Variants in SLCO3A1 observed in about 807,000 individuals in gnomAD.
The protein encoded by SLCO3A1 is PGE1 transporter.
In SLCO3A1, 27 loss-of-function variants were observed where a neutral mutation model predicts 63.1. That is an observed-to-expected ratio of 0.43 (90% CI 0.32 to 0.59). SLCO3A1 has a LOEUF of 0.59. Ranked by LOEUF, SLCO3A1 falls within the 20% of genes least tolerant of loss-of-function variation. The probability of loss-of-function intolerance (pLI) is 0.09; values close to 1 mark genes in which losing one functional copy is unlikely to be tolerated. For synonymous variants in SLCO3A1, 473 were observed against 409.9 expected (o/e 1.15, Z -1.86); for missense variants, 773 against 945.8 (o/e 0.82, Z 2.40).
intron 2 of SLCO3A1, among the ~76,000 whole-genome samples, chr15:91,961,997 T>G (rs8027160): frequency 0.36 from 54,336 of 151,982 alleles, 9,906 homozygotes; most frequent in African/African-American, 0.41. Context: ...CTGGGGAGAA[T>G]TATTCAAGGT....
intron 2 of SLCO3A1, among the ~76,000 whole-genome samples, chr15:92,079,587 TA>T (rs2047318396): frequency 6.6e-6 from 1 of 152,250 alleles, no homozygotes; most frequent in Non-Finnish European, 1.5e-5. Flanking sequence ...TGTAATGTAA[TA>T]ATCTCTTTAA....
At chr15:91,963,455 T>A (rs1441354116) in intron 2 of SLCO3A1, among the ~76,000 whole-genome samples, 18 of 150,910 alleles carry the variant, frequency 1.2e-4, no homozygotes, top group Admixed American at 1.2e-3. Context: ...CTCCTGAATG[T>A]TGTGCTAATG....
At chr15:92,099,227 T>C (rs2047575155) in intron 3 of SLCO3A1, among the ~76,000 whole-genome samples, 2 of 152,232 alleles carry the variant, frequency 1.3e-5, no homozygotes, top group Non-Finnish European at 2.9e-5. Context: ...GAGAGCCTCC[T>C]GCTCTGCCAT....
chr15:91,960,910 A>G (rs915926585), intron 2 of SLCO3A1, among the ~76,000 whole-genome samples: 1 of 152,194 alleles, frequency 6.6e-6, no homozygotes, highest in Non-Finnish European at 1.5e-5. Context: ...AAGGATTTGT[A>G]TTTTGGAGCA....
intron 2 of SLCO3A1, among the ~76,000 whole-genome samples, chr15:91,957,145 TA>T (rs1451797286): frequency 3.4e-4 from 14 of 41,208 alleles, no homozygotes; most frequent in African/African-American, 5.9e-4. Flanking sequence ...CTATATATTA[TA>T]ATATATATAT....
intron 1 of SLCO3A1, among the ~76,000 whole-genome samples, chr15:91,880,381 T>TC (rs1897541271): frequency 1.6e-5 from 2 of 121,692 alleles, no homozygotes; most frequent in Admixed American, 1.5e-4. Flanking sequence ...GCACTCGTGC[T>TC]TCTCTCTCTC....
rs1597206414 is a variant in SLCO3A1 at position 91,999,357 on chromosome 15, A to G, written c.646+82899A>G. On this transcript the variant is annotated intron_variant, in intron 2 of 9. Coordinates refer to ENST00000318445, the MANE Select transcript of SLCO3A1 (RefSeq NM_013272.4). ...AGAAGATTTGTGCTACACATAACCA[A>G]TCAACGATTAATATTCAGAATATTT... Among the ~76,000 whole-genome samples, 5 of 152,334 alleles carry G rather than the reference A, an allele frequency of 3.3e-5. No individual in the cohort carries two copies. The South Asian group carries it at 1.0e-3, about 32-fold the overall frequency.
At chr15:91,893,776 C>A (rs1897934008) in intron 1 of SLCO3A1, among the ~76,000 whole-genome samples, 1 of 152,188 alleles carries the variant, frequency 6.6e-6, no homozygotes, top group South Asian at 2.1e-4. Flanking sequence ...TTCTATTTAT[C>A]CATCTATCCA....
chr15:92,171,612 C>T, intron 10 of SLCO3A1: 2 of 592,806 alleles, frequency 3.4e-6, no homozygotes, highest in Non-Finnish European at 6.0e-6. Flanking sequence ...AGTCTGGTCC[C>T]TTGGGGTTAC....
rs1482641954 is a variant in SLCO3A1, at chr15:91,900,841, G to C, written c.181-15152G>C. ...CATTTTACTGTTGATTTGTAAGGTT[G>C]GTAGGTAGTTTTGTTCAAATCATCT... On this transcript the variant is annotated intron_variant, in intron 1 of 9. Coordinates refer to ENST00000318445, the MANE Select transcript of SLCO3A1 (RefSeq NM_013272.4). This position sits in a 1 kb window ranked among gnomAD's most constrained non-coding sequence, Gnocchi z 4.3. Among the ~76,000 whole-genome samples, 1 of 152,106 alleles carries C rather than the reference G, an allele frequency of 6.6e-6. No homozygotes were observed. Among genetic ancestry groups the C allele is most frequent in the Non-Finnish European group, 1.5e-5 (1 of 68,020 alleles).
At chr15:92,069,606 C>A (rs988681941) in intron 2 of SLCO3A1, among the ~76,000 whole-genome samples, 1 of 152,202 alleles carries the variant, frequency 6.6e-6, no homozygotes, top group Non-Finnish European at 1.5e-5. Context: ...AATCCCTGCC[C>A]GTCTACAGGT....
At chr15:92,023,806 T>A (rs1216886550) in intron 2 of SLCO3A1, among the ~76,000 whole-genome samples, 1 of 152,212 alleles carries the variant, frequency 6.6e-6, no homozygotes, top group Non-Finnish European at 1.5e-5. Context: ...ACTTTAAAAG[T>A]TGAGACAGAT....
intron 9 of SLCO3A1, among the ~76,000 whole-genome samples, chr15:92,155,014 A>T (rs1760642320): frequency 6.6e-6 from 1 of 152,216 alleles, no homozygotes; most frequent in African/African-American, 2.4e-5. Flanking sequence ...GACAGGGGTC[A>T]AGAGCGTGGA....
At chr15:91,969,029 C>G (rs1250646255) in intron 2 of SLCO3A1, among the ~76,000 whole-genome samples, 1 of 152,200 alleles carries the variant, frequency 6.6e-6, no homozygotes, top group Non-Finnish European at 1.5e-5. Context: ...AGCACTGTCA[C>G]CTTGCATCAT....
chr15:92,112,966 C>T (rs574724832), intron 4 of SLCO3A1, among the ~76,000 whole-genome samples: 19 of 152,302 alleles, frequency 1.2e-4, no homozygotes, highest in African/African-American at 3.8e-4. Context: ...ATGCAGTCAG[C>T]CTTGCTGCCA....
chr15:92,053,219 T>C (rs569598418), intron 2 of SLCO3A1, among the ~76,000 whole-genome samples: 1 of 152,274 alleles, frequency 6.6e-6, no homozygotes, highest in East Asian at 1.9e-4. Flanking sequence ...GATGGGGAGA[T>C]AGACATCAAT....
intron 2 of SLCO3A1, among the ~76,000 whole-genome samples, chr15:91,945,357 A>AT (rs11368544): frequency 6.6e-6 from 1 of 151,470 alleles, no homozygotes; most frequent in East Asian, 1.9e-4. Context: ...AAAAAAAAAA[A>AT]TTACGTGGCT....
At chr15:91,930,420 G>T (rs554103330) in intron 2 of SLCO3A1, among the ~76,000 whole-genome samples, 1 of 152,270 alleles carries the variant, frequency 6.6e-6, no homozygotes, top group Admixed American at 6.5e-5. Context: ...TGTTACAAAG[G>T]TTCCAAGAGC....
intron 2 of SLCO3A1, among the ~76,000 whole-genome samples, chr15:92,028,013 G>C (rs2046597306): frequency 6.6e-6 from 1 of 152,186 alleles, no homozygotes; most frequent in African/African-American, 2.4e-5. Context: ...AAACCATGTT[G>C]AGAATCTTCC....
Sources: allele counts gnomAD v4.1 joint callset (sites outside exome capture counted in the v4.1 genomes callset), GRCh38; gene constraint gnomAD v4.1.1; non-coding constraint Gnocchi (gnomAD v3.1); transcripts MANE v1.5; gene names NCBI Gene and HGNC (gene_info 2026-07-23, HGNC 2026-07-21).